Variants in FBXW8 observed in about 807,000 individuals in gnomAD.
FBXW8 encodes F-box/WD repeat-containing protein 8.
A neutral mutation model predicts 65.3 loss-of-function variants in FBXW8; 57 were observed. The ratio of observed to expected loss-of-function variants is 0.87; its 90% CI spans 0.71 to 1.09. The LOEUF (loss-of-function observed/expected upper bound fraction) is 1.09, where lower values mean the gene tolerates loss of function less well. Among genes scored for constraint, FBXW8 ranks in the 50% least tolerant of loss-of-function variants. The probability of loss-of-function intolerance (pLI) is 0.00; values close to 1 mark genes in which losing one functional copy is unlikely to be tolerated. For missense variants in FBXW8, 777 were observed against 814.8 expected, an observed-to-expected ratio of 0.95 and a Z score of 0.57; for synonymous variants, 308 against 330.2, an observed-to-expected ratio of 0.93 and a Z score of 0.73.
Position 116,990,095 on chromosome 12 carries a change from T to C in FBXW8, c.1239+1226T>C, listed in dbSNP as rs571523949. On this transcript the variant is annotated intron_variant, in intron 7 of 10. Coordinates refer to ENST00000652555, the MANE Select transcript of FBXW8 (RefSeq NM_153348.3). ...TCAAATCTCATTTATGTAGGTGTGATTGGCTTTGCAAACTAGTAAATGGTC... is the reference window on the plus strand; with the variant it reads ...TCAAATCTCATTTATGTAGGTGTGACTGGCTTTGCAAACTAGTAAATGGTC... 5.4e-4 allele frequency among the ~76,000 whole-genome samples: 82 copies of C among 152,342 alleles called. 1 individual carries two copies. The highest frequency in any genetic ancestry group is 6.8e-3 in the Middle Eastern group (2 of 294).
At chr12:116,927,975 T>G (rs1208072453) in intron 1 of FBXW8, 48 bp from the exon 2 acceptor site, 1 of 1,226,322 alleles carries the variant, frequency 8.2e-7, no homozygotes, top group East Asian at 2.4e-5. Flanking sequence ...TTTGAGTTAT[T>G]TTCATATCTA....
intron 4 of FBXW8, chr12:116,951,067 C>T (rs1487614283): frequency 2.6e-5 from 4 of 152,192 alleles, no homozygotes; most frequent in African/African-American, 9.7e-5. Flanking sequence ...GGGCAGGCCC[C>T]CTACGAGTCC....
intron 7 of FBXW8, among the ~76,000 whole-genome samples, chr12:116,998,157 T>C (rs1317080039): frequency 2.6e-5 from 4 of 152,190 alleles, no homozygotes; most frequent in African/African-American, 9.6e-5. Context: ...TATGGTAGAA[T>C]GGGACAGGTC....
intron 5 of FBXW8, among the ~76,000 whole-genome samples, chr12:116,966,901 T>C (rs568379538): frequency 2.3e-4 from 35 of 152,260 alleles, no homozygotes; most frequent in African/African-American, 8.4e-4. Flanking sequence ...GTATTTTTAC[T>C]AGAGACGGGG....
At chr12:116,914,653 A>C (rs1880258132) in intron 1 of FBXW8, among the ~76,000 whole-genome samples, 1 of 151,814 alleles carries the variant, frequency 6.6e-6, no homozygotes, top group East Asian at 1.9e-4. Context: ...AGGTGGGCAG[A>C]TCACCTGAGG....
At chr12:116,963,054 A>G (rs1425542175) in intron 4 of FBXW8, among the ~76,000 whole-genome samples, 3 of 152,110 alleles carry the variant, frequency 2.0e-5, no homozygotes, top group African/African-American at 4.8e-5. Flanking sequence ...GTTTCTGTTT[A>G]CTGGAGGATC....
At chr12:116,988,941 T>G in intron 7 of FBXW8, 72 bp downstream of exon 7, 1 of 1,411,194 alleles carries the variant, frequency 7.1e-7, no homozygotes. Flanking sequence ...AATTGAAAAA[T>G]TAAAGCTCTT....
chr12:116,922,810 G>T (rs1385938607), intron 1 of FBXW8, among the ~76,000 whole-genome samples: 5 of 149,868 alleles, frequency 3.3e-5, no homozygotes, highest in East Asian at 2.0e-4. Context: ...GTGTGTGTGT[G>T]TGTTTTTTTT....
At chr12:116,930,956 C>T (rs141510012) in intron 2 of FBXW8, among the ~76,000 whole-genome samples, 11 of 152,282 alleles carry the variant, frequency 7.2e-5, no homozygotes, top group African/African-American at 2.2e-4. Context: ...TATAGGCTCA[C>T]GCCAACATGC....
intron 2 of FBXW8, among the ~76,000 whole-genome samples, chr12:116,930,007 G>A (rs1881647895): frequency 6.6e-6 from 1 of 152,144 alleles, no homozygotes; most frequent in African/African-American, 2.4e-5. Context: ...TGTTGTAAAT[G>A]ACATGATTTC....
At chr12:116,983,717 T>G (rs1286829690) in intron 5 of FBXW8, among the ~76,000 whole-genome samples, 2 of 152,184 alleles carry the variant, frequency 1.3e-5, no homozygotes, top group Non-Finnish European at 2.9e-5. Context: ...AGGGCTAGAT[T>G]TACGGATGAT....
At chr12:116,934,161 TC>T (rs776513131) in intron 2 of FBXW8, among the ~76,000 whole-genome samples, 1 of 152,198 alleles carries the variant, frequency 6.6e-6, no homozygotes, top group Non-Finnish European at 1.5e-5. Context: ...TGACTTTGCC[TC>T]CTTTCCATAT....
rs1357381914 is a variant in FBXW8, at chr12:116,946,311, A to C, written c.588+783A>C. 3.9e-5 allele frequency among the ~76,000 whole-genome samples: 6 copies of C among 152,260 alleles called. No homozygotes were observed. In the East Asian group the frequency reaches 1.2e-3, roughly 29 times the overall value. On this transcript the variant is annotated intron_variant, in intron 3 of 10. Coordinates refer to ENST00000652555, the MANE Select transcript of FBXW8 (RefSeq NM_153348.3). ...GCCTGTCTGTCCCTACTCACCTCCT[A>C]ACCTGATTAGTGACCAATACGCTTG...
chr12:117,014,361 G>A (rs56308540), intron 8 of FBXW8, among the ~76,000 whole-genome samples: 1,990 of 152,240 alleles, frequency 0.013, 53 homozygotes, highest in African/African-American at 0.045. Context: ...TTACCTCGTG[G>A]AATATAGCTA....
At chr12:116,990,338 A>G (rs114019284) in intron 7 of FBXW8, among the ~76,000 whole-genome samples, 1 of 152,338 alleles carries the variant, frequency 6.6e-6, no homozygotes, top group African/African-American at 2.4e-5. Flanking sequence ...CCTAGCTGGA[A>G]GATGTGTCAT....
chr12:116,971,681 C>A lies in FBXW8; in HGVS notation c.835+6827C>A, dbSNP rs181312877. On this transcript the variant is annotated intron_variant, in intron 5 of 10. Transcript: ENST00000652555. The stretch of plus-strand genomic sequence containing the variant: ...GGATTTTGGGTGAGAGCTGTGAGAT[C>A]TGTAGGAATTTTTTTAAATCTGTGC... Among the ~76,000 whole-genome samples the A allele has an allele frequency of 7.2e-4, 109 of 152,170 alleles. 1 individual carries two copies. The highest frequency in any genetic ancestry group is 6.8e-3 in the Middle Eastern group (2 of 294).
In FBXW8 at chr12:116,988,807, G is replaced by T. The variant is rs755328748; in HGVS notation, c.1177G>T (p.Val393Phe). The change falls in exon 7 of 11, where the codon GTC (valine) becomes TTC (phenylalanine). Residue 393 changes from valine (V) to phenylalanine (F), a missense_variant. Transcript: ENST00000652555. ...AHGPPVTCLD[V>F]SANQVAFGVQ... is the part of the protein sequence containing the mutation. ...CGGCCCGCCTGTCACATGTCTAGAC[G>T]TCTCGGCCAACCAAGTTGCTTTTGG... 1.9e-6 allele frequency: 3 copies of T among 1,614,162 alleles called. No homozygotes were observed. The South Asian group carries it at 3.3e-5, about 18-fold the overall frequency.
At chr12:117,010,189 G>T in intron 7 of FBXW8, 134 bp from the exon 8 acceptor site, 3 of 1,357,174 alleles carry the variant, frequency 2.2e-6, no homozygotes, top group Non-Finnish European at 3.0e-6. Context: ...AAAAGATCAG[G>T]AAATTAAGTG....
chr12:117,015,788 T>G (rs76255978), intron 8 of FBXW8, among the ~76,000 whole-genome samples: 3,868 of 152,312 alleles, frequency 0.025, 182 homozygotes, highest in African/African-American at 0.089. Context: ...CAGTCCATTT[T>G]AGAACATTTT....
Sources: gnomAD v4.1 joint callset for allele counts (sites outside exome capture counted in the v4.1 genomes callset) on GRCh38, gnomAD v4.1.1 for gene constraint, MANE v1.5 for transcripts, NCBI Gene and HGNC (gene_info 2026-07-23, HGNC 2026-07-21) for gene names.